The following NTM variants were observed in gnomAD, a reference collection of about 807,000 sequenced individuals.
NTM encodes IgLON family member 2.
A neutral mutation model predicts 42.1 loss-of-function variants in NTM; 13 were observed. The observed-to-expected ratio is 0.31, with a 90% CI of 0.20 to 0.49. NTM has a LOEUF of 0.49. Ranked by LOEUF, NTM falls within the 20% of genes least tolerant of loss-of-function variation. The probability of loss-of-function intolerance (pLI) is 0.99; values close to 1 mark genes in which losing one functional copy is unlikely to be tolerated. For synonymous variants in NTM, 187 were observed against 179.2 expected (o/e 1.04, Z -0.35); for missense variants, 373 against 452.8 (o/e 0.82, Z 1.60).
chr11:132,121,986 C>T (rs114877327), intron 2 of NTM, among the ~76,000 whole-genome samples: 1,744 of 152,298 alleles, frequency 0.011, 36 homozygotes, highest in African/African-American at 0.04. Flanking sequence ...CACCTAGACA[C>T]CATGGGCTGG....
intron 1 of NTM, among the ~76,000 whole-genome samples, chr11:131,874,930 T>C (rs1475357215): frequency 2.6e-5 from 4 of 152,198 alleles, no homozygotes. Flanking sequence ...TAACTAACTA[T>C]GTAAAGAACA....
chr11:132,031,667 T>C (rs946495044), intron 2 of NTM, among the ~76,000 whole-genome samples: 1 of 152,232 alleles, frequency 6.6e-6, no homozygotes, highest in Non-Finnish European at 1.5e-5. Context: ...AGGCTTGAGA[T>C]ACCTCTTAGG....
At chr11:131,466,941 C>T (rs1951955907) in intron 1 of NTM, among the ~76,000 whole-genome samples, 1 of 152,204 alleles carries the variant, frequency 6.6e-6, no homozygotes, top group Non-Finnish European at 1.5e-5. Flanking sequence ...TTCCAGCTCA[C>T]TGCACACTCA....
chr11:132,013,300 G>T (rs75461855), intron 2 of NTM, among the ~76,000 whole-genome samples: 3,446 of 152,162 alleles, frequency 0.023, 135 homozygotes, highest in African/African-American at 0.077. Context: ...TTTAAGAGGG[G>T]ACCTATTAAA....
At chr11:132,120,956 T>C (rs1163921694) in intron 2 of NTM, among the ~76,000 whole-genome samples, 2 of 152,132 alleles carry the variant, frequency 1.3e-5, no homozygotes, top group African/African-American at 4.8e-5. Flanking sequence ...GCACGTACAC[T>C]CGTGATTTTT....
intron 4 of NTM, among the ~76,000 whole-genome samples, chr11:132,217,102 T>C (rs1224159063): frequency 6.6e-6 from 1 of 152,204 alleles, no homozygotes; most frequent in Non-Finnish European, 1.5e-5. Context: ...CTGGCCATTC[T>C]AGTGGGCATC....
intron 2 of NTM, among the ~76,000 whole-genome samples, chr11:132,007,545 G>C (rs11222862): frequency 0.19 from 29,586 of 152,118 alleles, 3,452 homozygotes; most frequent in Non-Finnish European, 0.26. Context: ...GCTCTCTTTT[G>C]TTGCAGCCTG....
chr11:131,962,122 C>T (rs2062254645), intron 2 of NTM, among the ~76,000 whole-genome samples: 1 of 152,048 alleles, frequency 6.6e-6, no homozygotes, highest in South Asian at 2.1e-4. Context: ...CTTATGGCTC[C>T]TTAGCATACT....
chr11:131,712,045 A>G (rs2077211151), intron 1 of NTM, among the ~76,000 whole-genome samples: 1 of 150,608 alleles, frequency 6.6e-6, no homozygotes, highest in Non-Finnish European at 1.5e-5. Context: ...TGACGAGTTA[A>G]CGGGTGCAGC....
At chr11:131,462,950 T>C (rs936912675) in intron 1 of NTM, among the ~76,000 whole-genome samples, 2 of 144,792 alleles carry the variant, frequency 1.4e-5, no homozygotes, top group African/African-American at 2.6e-5. Flanking sequence ...TATCTACTCA[T>C]GAAAAAAAAA....
intron 1 of NTM, among the ~76,000 whole-genome samples, chr11:131,464,129 C>T (rs1396265262): frequency 6.6e-6 from 1 of 152,160 alleles, no homozygotes; most frequent in Non-Finnish European, 1.5e-5. Flanking sequence ...TGCAGAGGGG[C>T]CAGCAGGAAG....
chr11:131,518,667 T>C (rs2049198714), intron 1 of NTM, among the ~76,000 whole-genome samples: 1 of 152,212 alleles, frequency 6.6e-6, no homozygotes, highest in Non-Finnish European at 1.5e-5. Context: ...ACTGTAGGCA[T>C]GACACTGTGC....
intron 1 of NTM, among the ~76,000 whole-genome samples, chr11:131,748,155 A>G (rs1339789008): frequency 2.6e-5 from 4 of 152,230 alleles, no homozygotes; most frequent in African/African-American, 9.6e-5. Flanking sequence ...CACTCAACCA[A>G]GTCTGTTAAG....
chr11:131,479,506 G>A (rs1953317331), intron 1 of NTM, among the ~76,000 whole-genome samples: 1 of 152,196 alleles, frequency 6.6e-6, no homozygotes, highest in Non-Finnish European at 1.5e-5. Flanking sequence ...GTCGCCTAAG[G>A]TGGAAGGAAG....
chr11:131,427,555 G>T (rs747412315), intron 1 of NTM, among the ~76,000 whole-genome samples: 4 of 152,184 alleles, frequency 2.6e-5, no homozygotes, highest in Non-Finnish European at 4.4e-5. Flanking sequence ...TTCCCATTTT[G>T]CAGTAAATGT....
intron 2 of NTM, among the ~76,000 whole-genome samples, chr11:132,136,983 T>A (rs1367658365): frequency 6.6e-6 from 1 of 152,316 alleles, no homozygotes; most frequent in African/African-American, 2.4e-5. Flanking sequence ...TTCCAGCCCC[T>A]TTTCTAGTGT....
chr11:131,558,363 C>A (rs1055346770), intron 1 of NTM, among the ~76,000 whole-genome samples: 4 of 152,152 alleles, frequency 2.6e-5, no homozygotes, highest in Non-Finnish European at 5.9e-5. Flanking sequence ...AGCAGCCCGT[C>A]ATGATTCAGA....
chr11:131,725,649 G>A (rs1275289587), intron 1 of NTM, among the ~76,000 whole-genome samples: 1 of 152,180 alleles, frequency 6.6e-6, no homozygotes, highest in Non-Finnish European at 1.5e-5. Flanking sequence ...GGGACAGTGA[G>A]GGCCACTGGG....
chr11:132,020,282 A>G (rs543568636), intron 2 of NTM, among the ~76,000 whole-genome samples: 1 of 152,178 alleles, frequency 6.6e-6, no homozygotes, highest in South Asian at 2.1e-4. Flanking sequence ...ATTGTGAATA[A>G]CACTAATATC....
Sources: allele counts gnomAD v4.1 joint callset (sites outside exome capture counted in the v4.1 genomes callset), GRCh38; gene constraint gnomAD v4.1.1; transcripts MANE v1.5; gene names NCBI Gene and HGNC (gene_info 2026-07-23, HGNC 2026-07-21).